DSCAM: variants seen among roughly 807,000 people sequenced by gnomAD.
DSCAM encodes DS cell adhesion molecule, also known as cell adhesion molecule DSCAM.
DSCAM carries 47 observed loss-of-function variants against 217.7 expected under a neutral mutation model. The ratio of observed to expected loss-of-function variants is 0.22; its 90% CI spans 0.17 to 0.28. The LOEUF is 0.28. Ranked by LOEUF, DSCAM falls within the 10% of genes least tolerant of loss-of-function variation. The pLI is 1.00. For missense variants in DSCAM, 2,080 were observed against 2,618.3 expected, an observed-to-expected ratio of 0.79 and a Z score of 4.49; for synonymous variants, 1,056 against 1,015.3, an observed-to-expected ratio of 1.04 and a Z score of -0.76.
At chr21:40,459,732 A>G (rs1254124470) in intron 3 of DSCAM, among the ~76,000 whole-genome samples, 5 of 152,210 alleles carry the variant, frequency 3.3e-5, no homozygotes, top group African/African-American at 1.2e-4. Context: ...AAAATATGAA[A>G]GATATTTTTT....
intron 11 of DSCAM, among the ~76,000 whole-genome samples, chr21:40,221,843 C>T (rs546798494): frequency 6.6e-6 from 1 of 152,268 alleles, no homozygotes; most frequent in East Asian, 1.9e-4. Context: ...TTCATTCCAT[C>T]TCAACCATTG....
chr21:40,174,633 G>A (rs1387212993), intron 15 of DSCAM, among the ~76,000 whole-genome samples: 1 of 151,980 alleles, frequency 6.6e-6, no homozygotes, highest in African/African-American at 2.4e-5. Flanking sequence ...AATGAATGGA[G>A]GATGGGAACT....
chr21:40,496,929 A>T, intron 3 of DSCAM, among the ~76,000 whole-genome samples: 1 of 152,182 alleles, frequency 6.6e-6, no homozygotes, highest in East Asian at 1.9e-4. Flanking sequence ...TGGAAATTAA[A>T]ACCACAATGA....
At chr21:40,457,836 G>T (rs2075775968) in intron 3 of DSCAM, among the ~76,000 whole-genome samples, 1 of 152,118 alleles carries the variant, frequency 6.6e-6, no homozygotes, top group Non-Finnish European at 1.5e-5. Flanking sequence ...AATGTGGAAA[G>T]GCAAATCAGG....
intron 1 of DSCAM, among the ~76,000 whole-genome samples, chr21:40,744,992 A>AT (rs1382545051): frequency 6.6e-6 from 1 of 152,182 alleles, no homozygotes. Flanking sequence ...AATCCTAAGA[A>AT]TAAAGAATAC....
In DSCAM at chr21:40,650,848, A is replaced by C. The variant is rs140298884; in HGVS notation, c.508+41962T>G. Among the ~76,000 whole-genome samples the C allele has an allele frequency of 8.5e-3, 1,288 of 152,316 alleles. 14 individuals are homozygous for C. The highest frequency in any genetic ancestry group is 0.029 in the African/African-American group (1,198 of 41,560). ...AGAATTGGTTGAACCTGGGAGGCGG[A>C]GGTTGCAGAGAGCTGAGATCGCACC... is the stretch of plus-strand genomic sequence containing the variant. On this transcript the variant is annotated intron_variant, in intron 3 of 32. Coordinates refer to ENST00000400454, the MANE Select transcript of DSCAM (RefSeq NM_001389.5).
In DSCAM at chr21:40,716,329, CA is replaced by C. The variant is rs1043479495; in HGVS notation, c.44-7559del. On this transcript the variant is annotated intron_variant, in intron 1 of 32. Transcript: ENST00000400454. ...ATAGAGTGCCTCCTGCTCTTTAATA[CA>C]GTAACATTTGCTTCCTCCAGTAAGG... is the stretch of plus-strand genomic sequence containing the variant. Among the ~76,000 whole-genome samples the C allele has an allele frequency of 1.1e-3, 166 of 152,266 alleles. 1 individual carries two copies. The highest frequency in any genetic ancestry group is 3.9e-3 in the African/African-American group (160 of 41,544).
intron 3 of DSCAM, among the ~76,000 whole-genome samples, chr21:40,682,627 G>GAAAT: frequency 8.0e-6 from 1 of 124,398 alleles, no homozygotes; most frequent in East Asian, 2.4e-4. Context: ...GAAAGAGAAA[G>GAAAT]AGAGAGAAAG....
intron 3 of DSCAM, among the ~76,000 whole-genome samples, chr21:40,506,272 A>T (rs534645264): frequency 6.6e-5 from 10 of 152,334 alleles, no homozygotes; most frequent in Non-Finnish European, 1.2e-4. Context: ...GAGATAAGCA[A>T]TAAAGAGTGA....
chr21:40,347,808 T>C lies in DSCAM; in HGVS notation c.1072A>G (p.Lys358Glu). Residue 358 changes from lysine (K) to glutamate (E), a missense_variant, in exon 6 of 33, where the codon AAA becomes GAA. Transcript: ENST00000400454. ...TTGATCCCTGTGATCCTCACATTTT[T>C]TCCAGGGTTGAGGATTTCACCATTG... ...YRNGEILNPGKNVRITGINHE... is the reference protein window; with the variant it reads ...YRNGEILNPGENVRITGINHE... 1 of 1,614,184 alleles carries C rather than the reference T, an allele frequency of 6.2e-7. No individual in the cohort carries two copies. Among genetic ancestry groups the C allele is most frequent in the Non-Finnish European group, 8.5e-7 (1 of 1,180,006 alleles).
rs558800964 is a variant in DSCAM at position 40,559,400 on chromosome 21, G to C, written c.508+133410C>G. On this transcript the variant is annotated intron_variant, in intron 3 of 32. Coordinates refer to ENST00000400454, the MANE Select transcript of DSCAM (RefSeq NM_001389.5). ...GTAAACCCGGGGGGTGGAGCTTGCA[G>C]TGCGCTGAGATCGCACCACTGCACT... is the stretch of plus-strand genomic sequence containing the variant. 6.9e-4 allele frequency among the ~76,000 whole-genome samples: 105 copies of C among 151,352 alleles called. 2 individuals carry two copies. The South Asian group carries it at 0.022, about 31-fold the overall frequency.
At chr21:40,287,486 T>C (rs2073842679) in intron 10 of DSCAM, among the ~76,000 whole-genome samples, 1 of 152,148 alleles carries the variant, frequency 6.6e-6, no homozygotes, top group Non-Finnish European at 1.5e-5. Flanking sequence ...AAGGTGAGCC[T>C]TTCCAGGGCA....
At chr21:40,623,831 GTTCT>G (rs992233295) in intron 3 of DSCAM, among the ~76,000 whole-genome samples, 3 of 152,048 alleles carry the variant, frequency 2.0e-5, no homozygotes, top group African/African-American at 7.2e-5. Context: ...GTTTTGTTTT[GTTCT>G]TTAAGGGATA....
intron 3 of DSCAM, among the ~76,000 whole-genome samples, chr21:40,477,533 T>A (rs1315735167): frequency 6.6e-6 from 1 of 152,172 alleles, no homozygotes; most frequent in Non-Finnish European, 1.5e-5. Flanking sequence ...CATATGTACT[T>A]ACATCCTTTC....
At chr21:40,145,213 C>A (rs2090340700) in intron 16 of DSCAM, among the ~76,000 whole-genome samples, 1 of 152,132 alleles carries the variant, frequency 6.6e-6, no homozygotes, top group Non-Finnish European at 1.5e-5. Flanking sequence ...GTGTGCCAGG[C>A]CTTGTTCCAG....
intron 32 of DSCAM, among the ~76,000 whole-genome samples, chr21:40,030,541 G>T (rs2088501488): frequency 6.6e-6 from 1 of 152,118 alleles, no homozygotes; most frequent in Admixed American, 6.5e-5. Context: ...CAGGAGATAG[G>T]AATGAGCTTG....
At chr21:40,171,365 A>G (rs1296600817) in intron 15 of DSCAM, among the ~76,000 whole-genome samples, 1 of 152,168 alleles carries the variant, frequency 6.6e-6, no homozygotes, top group Non-Finnish European at 1.5e-5. Flanking sequence ...GGTGTGAGCC[A>G]CCATGCCAGG....
chr21:40,792,328 TG>T (rs1451459197), intron 1 of DSCAM, among the ~76,000 whole-genome samples: 2 of 151,900 alleles, frequency 1.3e-5, no homozygotes, highest in Non-Finnish European at 2.9e-5. Context: ...TTAGTAGAGA[TG>T]GGGTTTCACC....
intron 4 of DSCAM, among the ~76,000 whole-genome samples, chr21:40,365,677 A>G (rs1418472558): frequency 6.6e-6 from 1 of 152,130 alleles, no homozygotes; most frequent in African/African-American, 2.4e-5. Context: ...ATCTTCTCGG[A>G]GTTTCAGCAA....
Sources: gnomAD v4.1 joint callset for allele counts (sites outside exome capture counted in the v4.1 genomes callset) on GRCh38, gnomAD v4.1.1 for gene constraint, MANE v1.5 for transcripts, NCBI Gene and HGNC (gene_info 2026-07-23, HGNC 2026-07-21) for gene names.